LRP1B: variants seen among roughly 807,000 people sequenced by gnomAD.
LRP1B encodes LDL receptor related protein 1B, also known as low-density lipoprotein receptor-related protein 1B.
Under a neutral mutation model 556.6 loss-of-function variants are expected in LRP1B, and 217 were observed. The ratio of observed to expected loss-of-function variants is 0.39; its 90% confidence interval spans 0.35 to 0.44. The LOEUF is 0.44. Ranked by LOEUF, LRP1B falls within the 20% of genes least tolerant of loss-of-function variation. The pLI, the probability that LRP1B is intolerant of heterozygous loss-of-function variation, is 1.00. For missense variants in LRP1B, 5,053 were observed against 5,620.8 expected (o/e 0.90, Z 3.23); for synonymous variants, 2,047 against 1,865.8 (o/e 1.10, Z -2.50).
At chr2:141,221,713 TC>T (rs1429825430) in intron 6 of LRP1B, among the ~76,000 whole-genome samples, 3 of 152,118 alleles carry the variant, frequency 2.0e-5, no homozygotes, top group Non-Finnish European at 2.9e-5. Flanking sequence ...ATAACTGAAA[TC>T]ATTACCAACT....
intron 3 of LRP1B, among the ~76,000 whole-genome samples, chr2:141,313,728 G>C (rs1405345196): frequency 6.6e-6 from 1 of 152,130 alleles, no homozygotes; most frequent in Non-Finnish European, 1.5e-5. Context: ...GATTATTTTG[G>C]AAACAGAAAT....
intron 1 of LRP1B, among the ~76,000 whole-genome samples, chr2:141,951,259 T>C (rs1285853857): frequency 6.6e-6 from 1 of 152,120 alleles, no homozygotes; most frequent in Non-Finnish European, 1.5e-5. Context: ...TCTTTAGTGG[T>C]AATTTCCGAG....
chr2:140,320,171 A>G (rs1305410317), intron 82 of LRP1B, among the ~76,000 whole-genome samples: 1 of 152,086 alleles, frequency 6.6e-6, no homozygotes, highest in Non-Finnish European at 1.5e-5. Flanking sequence ...CTATTTGAAT[A>G]ATAATCTGAA....
At chr2:141,050,719 T>A (rs1699012704) in intron 10 of LRP1B, among the ~76,000 whole-genome samples, 1 of 152,098 alleles carries the variant, frequency 6.6e-6, no homozygotes, top group Non-Finnish European at 1.5e-5. Flanking sequence ...GACACAGGCA[T>A]GGGGAACGAC....
intron 3 of LRP1B, among the ~76,000 whole-genome samples, chr2:141,267,933 A>G (rs982347702): frequency 5.9e-5 from 9 of 152,198 alleles, no homozygotes; most frequent in Non-Finnish European, 1.2e-4. Context: ...CCATATTGCT[A>G]GCAAAATTTT....
chr2:140,295,719 G>A (rs1255735251), intron 84 of LRP1B, among the ~76,000 whole-genome samples: 1 of 152,058 alleles, frequency 6.6e-6, no homozygotes, highest in Non-Finnish European at 1.5e-5. Context: ...TTTATTGATA[G>A]GATTAAACGA....
intron 2 of LRP1B, among the ~76,000 whole-genome samples, chr2:141,756,117 A>G (rs780282730): frequency 6.6e-6 from 1 of 152,066 alleles, no homozygotes; most frequent in Non-Finnish European, 1.5e-5. Context: ...ATTCCCTATT[A>G]ATTATTGTCT....
chr2:140,603,149 A>C (rs1342052279), intron 41 of LRP1B, among the ~76,000 whole-genome samples: 1 of 152,082 alleles, frequency 6.6e-6, no homozygotes, highest in Non-Finnish European at 1.5e-5. Context: ...GTAATATACC[A>C]TAGATAGTCT....
At chr2:142,086,603 T>G (rs1336265863) in intron 1 of LRP1B, among the ~76,000 whole-genome samples, 12 of 143,726 alleles carry the variant, frequency 8.3e-5, no homozygotes, top group Admixed American at 7.2e-4. Flanking sequence ...AGAGCAAGAC[T>G]CCATCTCAAA....
chr2:140,608,024 AATAAT>A (rs2105217073), intron 41 of LRP1B, among the ~76,000 whole-genome samples: 1 of 151,900 alleles, frequency 6.6e-6, no homozygotes, highest in African/African-American at 2.4e-5. Flanking sequence ...TCTAAAATAA[AATAAT>A]AATTTTTTCC....
chr2:141,559,285 C>A (rs1275709295), intron 2 of LRP1B, among the ~76,000 whole-genome samples: 1 of 151,550 alleles, frequency 6.6e-6, no homozygotes, highest in Non-Finnish European at 1.5e-5. Flanking sequence ...CTAGTTCTAT[C>A]AAAGGTCTAT....
chr2:140,611,785 T>C (rs12465997), intron 41 of LRP1B, among the ~76,000 whole-genome samples: 34,727 of 152,020 alleles, frequency 0.23, 4,256 homozygotes, highest in Admixed American at 0.3. Context: ...ATAAATGTTA[T>C]GTAATAAGTT....
chr2:140,802,722 C>T (rs1232312505), intron 32 of LRP1B, among the ~76,000 whole-genome samples: 3 of 151,976 alleles, frequency 2.0e-5, no homozygotes. Flanking sequence ...AATTACTTTG[C>T]TGTTATTTCT....
At chr2:141,263,484 C>A (rs375884561) in intron 3 of LRP1B, among the ~76,000 whole-genome samples, 1 of 151,950 alleles carries the variant, frequency 6.6e-6, no homozygotes, top group African/African-American at 2.4e-5. Context: ...CTGAATATCC[C>A]TATATATATA....
At chr2:140,834,983 T>C (rs17576456) in intron 31 of LRP1B, among the ~76,000 whole-genome samples, 7,592 of 152,252 alleles carry the variant, frequency 0.05, 207 homozygotes, top group Middle Eastern at 0.1. Flanking sequence ...TTATGTTTCA[T>C]TTTGAAATTA....
chr2:140,933,354 G>T (rs1366800), intron 20 of LRP1B, among the ~76,000 whole-genome samples: 143,122 of 152,128 alleles, frequency 0.94, 67,974 homozygotes, highest in East Asian at 1. Flanking sequence ...CACAAAAGCA[G>T]GGACATGTCT....
At chr2:141,006,303 A>G (rs1697573941) in intron 14 of LRP1B, among the ~76,000 whole-genome samples, 1 of 152,018 alleles carries the variant, frequency 6.6e-6, no homozygotes, top group Admixed American at 6.6e-5. Context: ...TTCAATATCC[A>G]CCTTCCAGAT....
At chr2:140,308,997 G>A (rs1251486350) in intron 83 of LRP1B, among the ~76,000 whole-genome samples, 6 of 151,702 alleles carry the variant, frequency 4.0e-5, no homozygotes, top group Non-Finnish European at 7.4e-5. Context: ...ACTGTCCTTT[G>A]TGAATCTGTC....
chr2:140,358,060 T>C lies in LRP1B; in HGVS notation c.11314A>G (p.Lys3772Glu). The C allele has an allele frequency of 6.2e-7, 1 of 1,611,622 alleles. No homozygotes were observed. The highest frequency in any genetic ancestry group is 8.5e-7 in the Non-Finnish European group (1 of 1,178,394). Residue 3772 changes from lysine (K) to glutamate (E), a missense_variant, in exon 74 of 91, where the codon AAA becomes GAA. Physicochemically the swap from Lys to Glu is moderately conservative, Grantham distance 56. Transcript: ENST00000389484. ...CKKDEFACSN[K>E]KCIPMDLQCD... ...TGGAGATCCATAGGGATGCATTTTT[T>C]ATTACTACAAGCAAACTCATCCTTT...
Sources: gnomAD v4.1 joint callset for allele counts (sites outside exome capture counted in the v4.1 genomes callset) on GRCh38, gnomAD v4.1.1 for gene constraint, MANE v1.5 for transcripts, NCBI Gene and HGNC (gene_info 2026-07-23, HGNC 2026-07-21) for gene names.